CD109: variants seen among roughly 807,000 people sequenced by gnomAD.
CD109 encodes the protein CD109 antigen.
Under a neutral mutation model 165.8 loss-of-function variants are expected in CD109, and 149 were observed. That is an observed-to-expected ratio of 0.90 (90% CI 0.79 to 1.03). The LOEUF (loss-of-function observed/expected upper bound fraction) is 1.03, where lower values mean the gene tolerates loss of function less well. CD109 is among the 50% of genes least tolerant of loss of function. CD109 has a pLI of 0.00. For missense variants in CD109, 1,712 were observed against 1,677.8 expected, an observed-to-expected ratio of 1.02 and a Z score of -0.36; for synonymous variants, 585 against 592.1, an observed-to-expected ratio of 0.99 and a Z score of 0.18.
At chr6:73,770,508 G>A (rs1773996168) in intron 14 of CD109, among the ~76,000 whole-genome samples, 1 of 152,238 alleles carries the variant, frequency 6.6e-6, no homozygotes, top group Non-Finnish European at 1.5e-5. Flanking sequence ...ACTTTGGGAG[G>A]CCGAGGCAGG....
intron 24 of CD109, among the ~76,000 whole-genome samples, chr6:73,806,588 C>A (rs528035644): frequency 6.2e-4 from 94 of 152,170 alleles, no homozygotes; most frequent in African/African-American, 2.2e-3. Flanking sequence ...CTTTTCAAAT[C>A]TGAGATTTTT....
At chr6:73,808,966 A>G (rs1184483096) in intron 26 of CD109, among the ~76,000 whole-genome samples, 1 of 152,104 alleles carries the variant, frequency 6.6e-6, no homozygotes, top group Admixed American at 6.6e-5. Flanking sequence ...GACTGTAAAA[A>G]ATATTGTATT....
At chr6:73,716,282 T>A (rs946267575) in intron 2 of CD109, among the ~76,000 whole-genome samples, 4 of 152,210 alleles carry the variant, frequency 2.6e-5, no homozygotes, top group African/African-American at 9.6e-5. Flanking sequence ...TCCTTTCTTT[T>A]GGGTATATAC....
chr6:73,702,668 G>A (rs527301493), intron 2 of CD109, among the ~76,000 whole-genome samples: 1 of 152,304 alleles, frequency 6.6e-6, no homozygotes, highest in East Asian at 1.9e-4. Flanking sequence ...GGGCACAGGT[G>A]CTGGCCATTC....
In CD109 at chr6:73,783,712, G is replaced by C. The variant is rs771341790; in HGVS notation, c.2111G>C (p.Arg704Thr). 2 of 1,590,626 alleles carry C rather than the reference G, an allele frequency of 1.3e-6. No homozygotes were observed. Among genetic ancestry groups the C allele is most frequent in the Non-Finnish European group, 1.7e-6 (2 of 1,159,332 alleles). Reference sequence around the variant, plus strand: ...ATTTATTATCTTGACTTCAGTTACAGGATTTACCAAGAATTTGAAGTAACT... The same window carrying C: ...ATTTATTATCTTGACTTCAGTTACACGATTTACCAAGAATTTGAAGTAACT... ...WIWLDTNMGY[R>T]IYQEFEVTVP... The change falls in exon 19 of 33, where the codon AGG becomes ACG. Residue 704 changes from arginine to threonine, a missense_variant. By Grantham distance (71) the Arg-to-Thr change is moderately conservative. Transcript: ENST00000287097.
At position 73,762,788 on chromosome 6, in the gene CD109, T is replaced by C; in HGVS notation, c.903T>C (p.Asn301=). The C allele has an allele frequency of 6.2e-7, 1 of 1,610,066 alleles. No homozygotes were observed. The highest frequency in any genetic ancestry group is 8.5e-7 in the Non-Finnish European group (1 of 1,176,898). Residue 301 remains asparagine, a synonymous_variant, in exon 9 of 33, where the codon AAT becomes AAC. Transcript: ENST00000287097. ...CTTTTAATGATGAAGAGATGAAAAA[T>C]GTAATGGATTCTTCAAATGGACTTT... ...NFSFNDEEMK[N]VMDSSNGLSE... is the part of the protein sequence containing the mutation.
intron 2 of CD109, among the ~76,000 whole-genome samples, chr6:73,712,609 G>C (rs911630234): frequency 4.6e-5 from 7 of 152,162 alleles, no homozygotes; most frequent in Non-Finnish European, 8.8e-5. Flanking sequence ...GTATTACAGA[G>C]TATGTTTAAA....
chr6:73,782,978 C>CTT (rs77280841), intron 18 of CD109, among the ~76,000 whole-genome samples: 1 of 139,034 alleles, frequency 7.2e-6, no homozygotes, highest in Admixed American at 7.2e-5. Flanking sequence ...GAAGATAGGC[C>CTT]TTTTTTTTTT....
intron 2 of CD109, among the ~76,000 whole-genome samples, chr6:73,716,605 G>A (rs7771917): frequency 6.6e-6 from 1 of 151,910 alleles, no homozygotes; most frequent in African/African-American, 2.4e-5. Context: ...TATTCAGATC[G>A]TTTTCCCATT....
intron 23 of CD109, among the ~76,000 whole-genome samples, 198 bp from the exon 24 acceptor site, chr6:73,803,022 A>T (rs1035441653): frequency 6.6e-6 from 1 of 152,056 alleles, no homozygotes; most frequent in East Asian, 1.9e-4. Flanking sequence ...TTTTTATTTT[A>T]TGCATTCTGC....
chr6:73,701,612 C>T (rs992911680), intron 2 of CD109, among the ~76,000 whole-genome samples: 2 of 152,102 alleles, frequency 1.3e-5, no homozygotes, highest in Admixed American at 6.5e-5. Flanking sequence ...TTCGTGATGT[C>T]CTTGAAACCA....
chr6:73,729,493 T>TATC (rs1772269247), intron 3 of CD109, among the ~76,000 whole-genome samples: 1 of 42,038 alleles, frequency 2.4e-5, no homozygotes, highest in Admixed American at 2.5e-4. Flanking sequence ...CTTCTATTGT[T>TATC]ATTATTATTA....
intron 3 of CD109, among the ~76,000 whole-genome samples, chr6:73,729,335 A>T (rs1298161560): frequency 6.7e-6 from 1 of 148,282 alleles, no homozygotes; most frequent in Non-Finnish European, 1.5e-5. Flanking sequence ...ACCACATCAA[A>T]GTGTGTGTGT....
Position 73,785,447 on chromosome 6 carries a change from T to C in CD109, c.2307T>C (p.Thr769=), listed in dbSNP as rs373036532. ...GTGAAGAATTTGCTTTGGAAATAAC[T>C]ATATTCAATTATTTGAAAGATGCCA... The part of the protein sequence containing the change: ...IRGEEFALEI[T]IFNYLKDATE... Residue 769 remains threonine, a synonymous_variant, in exon 20 of 33, where the codon ACT becomes ACC. Coordinates refer to ENST00000287097, the MANE Select transcript of CD109 (RefSeq NM_133493.5). 1.9e-6 allele frequency: 3 copies of C among 1,588,632 alleles called. No individual in the cohort carries two copies. In the African/African-American group the frequency reaches 4.0e-5, roughly 21 times the overall value.
chr6:73,701,604 C>T (rs72953375), intron 2 of CD109, among the ~76,000 whole-genome samples: 5,139 of 152,214 alleles, frequency 0.034, 130 homozygotes, highest in East Asian at 0.1. Flanking sequence ...ATTTAATTTT[C>T]GTGATGTCCT....
chr6:73,758,859 T>C (rs1773502338), intron 6 of CD109, 85 bp from the exon 7 acceptor site: 1 of 719,448 alleles, frequency 1.4e-6, no homozygotes, highest in Non-Finnish European at 2.5e-6. Context: ...TGGAAGATGA[T>C]AGTGAAGTAG....
chr6:73,730,315 C>T, intron 3 of CD109, 29 bp from the exon 4 acceptor site: 1 of 1,353,928 alleles, frequency 7.4e-7, no homozygotes, highest in African/African-American at 1.4e-5. Context: ...ATAATGAGAC[C>T]TTGATGTGTG....
At chr6:73,755,546 G>A (rs933323912) in intron 5 of CD109, among the ~76,000 whole-genome samples, 12 of 152,106 alleles carry the variant, frequency 7.9e-5, no homozygotes, top group Admixed American at 6.6e-5. Context: ...CTGCATCTCC[G>A]TGTTTGATTT....
chr6:73,729,999 G>A (rs1490801231), intron 3 of CD109, among the ~76,000 whole-genome samples: 1 of 152,148 alleles, frequency 6.6e-6, no homozygotes, highest in Non-Finnish European at 1.5e-5. Context: ...TAGGGTGAGC[G>A]TGGAAAAGAA....
Sources: gnomAD v4.1 joint callset for allele counts (sites outside exome capture counted in the v4.1 genomes callset) on GRCh38, gnomAD v4.1.1 for gene constraint, MANE v1.5 for transcripts, NCBI Gene and HGNC (gene_info 2026-07-23, HGNC 2026-07-21) for gene names.